The following MRPL39 variants were observed in gnomAD, a reference collection of about 807,000 sequenced individuals.
MRPL39 encodes mitochondrial ribosomal protein L39.
In MRPL39, 35 loss-of-function variants were observed where a neutral mutation model predicts 44.5. The ratio of observed to expected loss-of-function variants is 0.79; its 90% CI spans 0.60 to 1.04. The LOEUF (loss-of-function observed/expected upper bound fraction) is 1.04, where lower values mean the gene tolerates loss of function less well. Ranked by LOEUF, MRPL39 falls within the 50% of genes least tolerant of loss-of-function variation. MRPL39 has a pLI of 0.00. For missense variants in MRPL39, 433 were observed against 413.5 expected (o/e 1.05, Z -0.41); for synonymous variants, 139 against 136.1 (o/e 1.02, Z -0.15).
At chr21:25,602,610 C>G (rs139730845) in intron 3 of MRPL39, among the ~76,000 whole-genome samples, 1 of 152,108 alleles carries the variant, frequency 6.6e-6, no homozygotes, top group Non-Finnish European at 1.5e-5. Context: ...TCTTCACATT[C>G]GACCGTTTAT....
chr21:25,607,289 AACCCTCCTCCTTCCTCTGCCCCGCG>A, intron 1 of MRPL39, 89 bp downstream of exon 1: 1 of 1,145,652 alleles, frequency 8.7e-7, no homozygotes, highest in Non-Finnish European at 1.3e-6. Flanking sequence ...GGGACTAAGA[AACCCTCCTCCTTCCTCTGCCCCGCG>A]GGACCTCCCC....
At chr21:25,600,829 C>T (rs113444258) in intron 4 of MRPL39, among the ~76,000 whole-genome samples, 231 of 152,216 alleles carry the variant, frequency 1.5e-3, no homozygotes, top group African/African-American at 5.1e-3. Flanking sequence ...CGCTAAGGGC[C>T]GGGCACGGTG....
chr21:25,590,033 GTAT>G (rs772550900), intron 8 of MRPL39, among the ~76,000 whole-genome samples: 1 of 152,212 alleles, frequency 6.6e-6, no homozygotes, highest in Non-Finnish European at 1.5e-5. Context: ...AACAGATTGT[GTAT>G]TAAAAAGATC....
chr21:25,585,788 A>G lies in MRPL39; in HGVS notation c.970-34T>C, dbSNP rs376277160. ...ACATGAATAGCTTTACTTTCCTAAT[A>G]AACACTTTCAGTTTTACCCTTCACC... On this transcript the variant is annotated intron_variant, in intron 9 of 9. Coordinates refer to ENST00000352957, the MANE Select transcript of MRPL39 (RefSeq NM_017446.4). 2.4e-5 allele frequency: 35 copies of G among 1,488,542 alleles called. No individual in the cohort carries two copies. The East Asian group carries it at 3.7e-4, about 16-fold the overall frequency. The allele number at this position is 1,488,542 out of a possible 1,614,324, so 92.2% of individuals were successfully genotyped here.
intron 4 of MRPL39, among the ~76,000 whole-genome samples, chr21:25,600,395 TAAA>T (rs35118180): frequency 2.5e-5 from 2 of 78,580 alleles, no homozygotes; most frequent in Non-Finnish European, 4.8e-5. Context: ...GACTCCGTCT[TAAA>T]AAAAAAAAAA....
At chr21:25,587,412 C>T (rs1350161162) in intron 9 of MRPL39, among the ~76,000 whole-genome samples, 2 of 152,122 alleles carry the variant, frequency 1.3e-5, no homozygotes, top group African/African-American at 4.8e-5. Flanking sequence ...ATAACCCTTA[C>T]TCAAGAACAT....
chr21:25,599,926 T>C, intron 4 of MRPL39, 60 bp from the exon 5 acceptor site: 1 of 1,284,366 alleles, frequency 7.8e-7, no homozygotes, highest in Admixed American at 1.7e-5. Context: ...AAGTTACTAA[T>C]TTGCAACAAC....
Position 25,588,892 on chromosome 21 carries a change from A to G in MRPL39, c.922-10T>C. On this transcript the variant is annotated splice_polypyrimidine_tract_variant and intron_variant, in intron 8 of 9. Transcript: ENST00000352957. ...ATATTGTAAAATGTGCCTTGAAAAG[A>G]AAAGATTTGCGATGAACTAAATGAA... is the stretch of plus-strand genomic sequence containing the variant. 2 of 1,611,274 alleles carry G rather than the reference A, an allele frequency of 1.2e-6. No individual in the cohort carries two copies. Among genetic ancestry groups the G allele is most frequent in the Non-Finnish European group, 1.7e-6 (2 of 1,178,006 alleles).
chr21:25,604,101 C>T (rs2031599183), intron 2 of MRPL39, among the ~76,000 whole-genome samples, 166 bp from the exon 3 acceptor site: 1 of 151,036 alleles, frequency 6.6e-6, no homozygotes. Context: ...AAAAAAAACC[C>T]TACAAAAATT....
intron 4 of MRPL39, among the ~76,000 whole-genome samples, chr21:25,600,670 C>T (rs2031495533): frequency 6.6e-6 from 1 of 152,074 alleles, no homozygotes; most frequent in African/African-American, 2.4e-5. Context: ...TGTCATTTCA[C>T]CAAAGTGCTG....
chr21:25,598,784 C>A (rs2123244793), intron 5 of MRPL39, among the ~76,000 whole-genome samples: 1 of 151,308 alleles, frequency 6.6e-6, no homozygotes, highest in South Asian at 2.1e-4. Flanking sequence ...GCTGGATCTG[C>A]CCTTACTCCA....
intron 5 of MRPL39, among the ~76,000 whole-genome samples, chr21:25,598,369 G>C (rs2031421585): frequency 6.6e-6 from 1 of 151,448 alleles, no homozygotes. Context: ...GAAAGGCTGA[G>C]GCAGGAAGAT....
chr21:25,599,147 G>A (rs1003408768), intron 5 of MRPL39, among the ~76,000 whole-genome samples: 1 of 152,190 alleles, frequency 6.6e-6, no homozygotes, highest in African/African-American at 2.4e-5. Flanking sequence ...ACCTGATCTA[G>A]ACTGTCCTTG....
At chr21:25,600,693 G>T (rs1016514480) in intron 4 of MRPL39, among the ~76,000 whole-genome samples, 1 of 152,080 alleles carries the variant, frequency 6.6e-6, no homozygotes, top group African/African-American at 2.4e-5. Flanking sequence ...ACTTTCCAAA[G>T]TAATGGTCCT....
At chr21:25,589,318 T>C (rs2031100601) in intron 8 of MRPL39, among the ~76,000 whole-genome samples, 1 of 152,100 alleles carries the variant, frequency 6.6e-6, no homozygotes, top group African/African-American at 2.4e-5. Context: ...AAGAAGACAG[T>C]CATTAAAAAC....
chr21:25,601,673 G>A (rs1165062965), intron 3 of MRPL39, among the ~76,000 whole-genome samples: 6 of 152,128 alleles, frequency 3.9e-5, no homozygotes, highest in African/African-American at 1.2e-4. Context: ...ATGAACCTCA[G>A]GTTCTTAGCA....
At position 25,606,558 on chromosome 21, in the gene MRPL39, T is replaced by C. The variant is rs2031677522; in HGVS notation, c.171A>G (p.Ser57=). The change falls in exon 2 of 10, where the codon TCA becomes TCG. Residue 57 remains serine, a synonymous_variant. Coordinates refer to ENST00000352957, the MANE Select transcript of MRPL39 (RefSeq NM_017446.4). ...LFNKEKARQL[S]LTPRTEKIEV... Reference sequence around the variant, plus strand: ...CTATCTTCTCAGTTCGGGGAGTTAATGATAACTGCCTGGCTTTCTCTTTAT... The same window carrying C: ...CTATCTTCTCAGTTCGGGGAGTTAACGATAACTGCCTGGCTTTCTCTTTAT... The C allele has an allele frequency of 6.2e-7, 1 of 1,613,824 alleles. No individual in the cohort carries two copies. Among genetic ancestry groups the C allele is most frequent in the East Asian group, 2.2e-5 (1 of 44,890 alleles).
intron 3 of MRPL39, among the ~76,000 whole-genome samples, chr21:25,603,421 A>G (rs1222983305): frequency 6.6e-6 from 1 of 152,194 alleles, no homozygotes; most frequent in Non-Finnish European, 1.5e-5. Flanking sequence ...GTAACGAAAA[A>G]AAATAGTGGG....
intron 9 of MRPL39, among the ~76,000 whole-genome samples, chr21:25,586,101 G>C (rs1179610301): frequency 6.6e-6 from 1 of 152,054 alleles, no homozygotes; most frequent in Admixed American, 6.5e-5. Context: ...TTTTCTTTTG[G>C]AGTATAATTC....
Sources: allele counts gnomAD v4.1 joint callset (sites outside exome capture counted in the v4.1 genomes callset), GRCh38; gene constraint gnomAD v4.1.1; transcripts MANE v1.5; gene names NCBI Gene and HGNC (gene_info 2026-07-23, HGNC 2026-07-21).